Variants in CDH13 observed in about 807,000 individuals in gnomAD.
The protein encoded by CDH13 is cadherin-13.
Under a neutral mutation model 63.8 loss-of-function variants are expected in CDH13, and 24 were observed. The ratio of observed to expected loss-of-function variants is 0.38; its 90% CI spans 0.27 to 0.53. The LOEUF (loss-of-function observed/expected upper bound fraction) is 0.53, where lower values mean the gene tolerates loss of function less well. CDH13 is among the 20% of genes least tolerant of loss of function. The pLI is 0.85. For missense variants in CDH13, 1,049 were observed against 903.1 expected (o/e 1.16, Z -2.07); for synonymous variants, 503 against 355.3 (o/e 1.42, Z -4.67).
intron 1 of CDH13, among the ~76,000 whole-genome samples, chr16:82,647,181 C>G (rs188704334): frequency 6.6e-6 from 1 of 152,254 alleles, no homozygotes; most frequent in East Asian, 1.9e-4. Flanking sequence ...GGCAGTGAAA[C>G]CTAGCTGATA....
At chr16:83,051,300 T>C (rs1285245612) in intron 3 of CDH13, among the ~76,000 whole-genome samples, 2 of 152,194 alleles carry the variant, frequency 1.3e-5, no homozygotes, top group Admixed American at 1.3e-4. Flanking sequence ...GAAAATGGTA[T>C]GTTTCCTTCC....
chr16:83,538,363 A>G (rs550617524), intron 7 of CDH13, among the ~76,000 whole-genome samples: 2 of 152,362 alleles, frequency 1.3e-5, no homozygotes, highest in South Asian at 4.1e-4. Context: ...ATCTCCGTAG[A>G]TGATCAATCA....
intron 6 of CDH13, among the ~76,000 whole-genome samples, chr16:83,443,499 C>T (rs1196526247): frequency 1.3e-5 from 2 of 151,938 alleles, no homozygotes; most frequent in Non-Finnish European, 2.9e-5. Flanking sequence ...TAGCCCCTCA[C>T]TTTTTCTGAA....
At chr16:82,891,044 T>G (rs1023943485) in intron 2 of CDH13, among the ~76,000 whole-genome samples, 14 of 64,550 alleles carry the variant, frequency 2.2e-4, no homozygotes, top group Non-Finnish European at 3.3e-4. Flanking sequence ...AGGGTTTTTT[T>G]TTTTTTTTTT....
chr16:83,522,720 G>A (rs1448664563), intron 7 of CDH13, among the ~76,000 whole-genome samples: 1 of 152,164 alleles, frequency 6.6e-6, no homozygotes, highest in African/African-American at 2.4e-5. Flanking sequence ...TCGGGGTCTG[G>A]CCATCTCCAG....
At chr16:83,748,627 C>A (rs189412977) in intron 11 of CDH13, among the ~76,000 whole-genome samples, 11 of 152,234 alleles carry the variant, frequency 7.2e-5, no homozygotes, top group African/African-American at 2.6e-4. Context: ...CATCACTGAC[C>A]CTGACCATTG....
chr16:83,646,715 ACAC>A, intron 8 of CDH13, among the ~76,000 whole-genome samples: 1 of 110,226 alleles, frequency 9.1e-6, no homozygotes, highest in South Asian at 2.9e-4. Context: ...AAAAAAAAAC[ACAC>A]ACACACACAC....
At chr16:82,630,347 G>C (rs1014034997) in intron 1 of CDH13, among the ~76,000 whole-genome samples, 2 of 151,988 alleles carry the variant, frequency 1.3e-5, no homozygotes, top group African/African-American at 2.4e-5. Flanking sequence ...TTTTTAGCAA[G>C]TCCCAAAACA....
chr16:82,671,982 C>G (rs1372597834), intron 1 of CDH13, among the ~76,000 whole-genome samples: 6 of 152,192 alleles, frequency 3.9e-5, no homozygotes, highest in Non-Finnish European at 1.5e-5. Flanking sequence ...TGCCCTGAGA[C>G]TATCACCTGC....
intron 5 of CDH13, among the ~76,000 whole-genome samples, chr16:83,264,636 G>GA (rs757770357): frequency 6.6e-6 from 1 of 151,398 alleles, no homozygotes; most frequent in Non-Finnish European, 1.5e-5. Flanking sequence ...CTTTTTGATT[G>GA]AAGAAATATA....
intron 1 of CDH13, among the ~76,000 whole-genome samples, chr16:82,786,797 T>A (rs754460473): frequency 7.2e-5 from 11 of 152,006 alleles, no homozygotes; most frequent in Non-Finnish European, 1.2e-4. Context: ...GAATGATGGT[T>A]TCCAGCTTCA....
intron 8 of CDH13, among the ~76,000 whole-genome samples, chr16:83,655,841 G>A (rs566470364): frequency 4.6e-5 from 7 of 152,294 alleles, no homozygotes; most frequent in Non-Finnish European, 7.4e-5. Context: ...CTATGCAGAG[G>A]ACAGGTTGTA....
chr16:83,351,452 A>G (rs2090949747), intron 6 of CDH13, among the ~76,000 whole-genome samples: 1 of 152,142 alleles, frequency 6.6e-6, no homozygotes, highest in African/African-American at 2.4e-5. Context: ...GCATCTCTAC[A>G]CAGAGAGATG....
Position 82,986,232 on chromosome 16 carries a change from A to T in CDH13, c.158-45778A>T, listed in dbSNP as rs192175912. On this transcript the variant is annotated intron_variant, in intron 2 of 13. Transcript: ENST00000567109. ...TGTCCCTAGGATGCTGTGAATTTTCATATTGGTACGTCTGAGCCTGAGTAA... is the reference window on the plus strand; with the variant it reads ...TGTCCCTAGGATGCTGTGAATTTTCTTATTGGTACGTCTGAGCCTGAGTAA... Among the ~76,000 whole-genome samples, 140 of 152,262 alleles carry T rather than the reference A, an allele frequency of 9.2e-4. 5 individuals are homozygous for T. The South Asian group carries it at 0.025, about 28-fold the overall frequency.
intron 7 of CDH13, among the ~76,000 whole-genome samples, chr16:83,590,761 G>C (rs929090641): frequency 6.6e-6 from 1 of 152,148 alleles, no homozygotes; most frequent in Admixed American, 6.5e-5. Flanking sequence ...GCTAACCGAA[G>C]TGTGCCCCTA....
chr16:83,185,728 A>C (rs1002066135), intron 4 of CDH13, among the ~76,000 whole-genome samples: 1 of 152,236 alleles, frequency 6.6e-6, no homozygotes, highest in Non-Finnish European at 1.5e-5. Flanking sequence ...GGAGTGATCT[A>C]TGGAATAAAC....
chr16:83,278,500 C>T (rs554756326), intron 5 of CDH13, among the ~76,000 whole-genome samples: 3 of 152,268 alleles, frequency 2.0e-5, no homozygotes, highest in South Asian at 2.1e-4. Flanking sequence ...TGAAGAATCC[C>T]GTTATAGTTG....
chr16:83,633,694 T>C (rs559089836), intron 8 of CDH13, among the ~76,000 whole-genome samples: 44 of 152,290 alleles, frequency 2.9e-4, no homozygotes, highest in Admixed American at 4.6e-4. Context: ...TGGCTTTCCG[T>C]AGCACTTTCT....
intron 2 of CDH13, among the ~76,000 whole-genome samples, chr16:82,878,255 C>T (rs1214516480): frequency 1.3e-5 from 2 of 151,924 alleles, no homozygotes; most frequent in East Asian, 2.0e-4. Context: ...CTACCCAAGG[C>T]TTACAGTAAA....
Sources: gnomAD v4.1 joint callset for allele counts (sites outside exome capture counted in the v4.1 genomes callset) on GRCh38, gnomAD v4.1.1 for gene constraint, MANE v1.5 for transcripts, NCBI Gene and HGNC (gene_info 2026-07-23, HGNC 2026-07-21) for gene names.